RUSF1: variants seen among roughly 807,000 people sequenced by gnomAD.
The protein encoded by RUSF1 is RUS1 family protein C16orf58.
In RUSF1, 58 loss-of-function variants were observed where a neutral mutation model predicts 63.0. The ratio of observed to expected loss-of-function variants is 0.92; its 90% confidence interval spans 0.75 to 1.15. The LOEUF (loss-of-function observed/expected upper bound fraction) is 1.15. RUSF1 is among the 50% of genes most tolerant of loss of function. The pLI, the probability that RUSF1 is intolerant of heterozygous loss-of-function variation, is 0.00. For synonymous variants in RUSF1, 274 were observed against 255.8 expected (o/e 1.07, Z -0.68); for missense variants, 652 against 611.0 (o/e 1.07, Z -0.71).
intron 12 of RUSF1, among the ~76,000 whole-genome samples, chr16:31,491,327 CT>C (rs879259178): frequency 2.8e-3 from 404 of 144,614 alleles, no homozygotes; most frequent in Middle Eastern, 7.2e-3. Context: ...GAGAATCCAT[CT>C]TTTTTTTTTT....
chr16:31,493,904 G>A lies in RUSF1; in HGVS notation c.735C>T (p.Val245=). The A allele has an allele frequency of 6.2e-7, 1 of 1,614,202 alleles. No individual in the cohort carries two copies. The highest frequency in any genetic ancestry group is 8.5e-7 in the Non-Finnish European group (1 of 1,180,040). ...ETLVNLAGLL[V]SLLMLPLVSG... is the part of the protein sequence containing the mutation. The stretch of plus-strand genomic sequence containing the variant: ...ACACCAGAGGGAGCATCAGGAGGCT[G>A]ACCAAGAGCCCCGCCAGGTTCACCA... The change falls in exon 7 of 13, where the codon GTC becomes GTT. Residue 245 remains valine (V), a synonymous_variant. Transcript: ENST00000327237.
intron 2 of RUSF1, among the ~76,000 whole-genome samples, chr16:31,504,773 C>T (rs2082649893): frequency 1.3e-5 from 2 of 152,322 alleles, no homozygotes; most frequent in East Asian, 1.9e-4. Context: ...CCATTTTGAT[C>T]TGTACTAAGA....
At chr16:31,506,419 T>G (rs1445508051) in intron 2 of RUSF1, among the ~76,000 whole-genome samples, 1 of 152,218 alleles carries the variant, frequency 6.6e-6, no homozygotes, top group African/African-American at 2.4e-5. Context: ...TCAATCTGTA[T>G]AGGCAACATG....
chr16:31,493,747 T>C lies in RUSF1; in HGVS notation c.814A>G (p.Ile272Val), dbSNP rs149082017. 27 of 1,614,144 alleles carry C rather than the reference T, an allele frequency of 1.7e-5. No homozygotes were observed. The highest frequency in any genetic ancestry group is 1.6e-4 in the East Asian group (7 of 44,884). ...CGGACCGCGCGGTAGTTGGCGTAGATGTGGAGGGCAGTGAGGAAGAAGAAA... is the reference window on the plus strand; with the variant it reads ...CGGACCGCGCGGTAGTTGGCGTAGACGTGGAGGGCAGTGAGGAAGAAGAAA... ...GCFFFLTALHIYANYRAVRAL... is the reference protein window; with the variant it reads ...GCFFFLTALHVYANYRAVRAL... Residue 272 changes from isoleucine (I) to valine (V), a missense_variant, in exon 8 of 13, where the codon ATC becomes GTC. Ile to Val is a conservative substitution (Grantham distance 29, BLOSUM62 3). Coordinates refer to ENST00000327237, the MANE Select transcript of RUSF1 (RefSeq NM_022744.4).
At position 31,490,509 on chromosome 16, in the gene RUSF1, G is replaced by T; in HGVS notation, c.*326C>A. ...TGCCCTGCTCATGATGGCAGTGGCC[G>T]TGTTCCTCTGGGGCTTCTATGCCTA... On this transcript the variant is annotated 3_prime_UTR_variant, in exon 13 of 13. Coordinates refer to ENST00000327237, the MANE Select transcript of RUSF1 (RefSeq NM_022744.4). 1.2e-6 allele frequency: 2 copies of T among 1,613,168 alleles called. No homozygotes were observed. Among genetic ancestry groups the T allele is most frequent in the Non-Finnish European group, 8.5e-7 (1 of 1,179,662 alleles).
At chr16:31,501,762 C>T (rs1015421592) in intron 2 of RUSF1, among the ~76,000 whole-genome samples, 1 of 152,058 alleles carries the variant, frequency 6.6e-6, no homozygotes, top group Non-Finnish European at 1.5e-5. Context: ...TACTTCATGA[C>T]CACAGTGACC....
At chr16:31,507,976 ACCC>A in intron 1 of RUSF1, 95 bp downstream of exon 1, 1 of 1,535,056 alleles carries the variant, frequency 6.5e-7, no homozygotes, top group Non-Finnish European at 8.8e-7. Flanking sequence ...GGCATGTCAG[ACCC>A]CCCGCCCCCC....
intron 3 of RUSF1, 76 bp from the exon 4 acceptor site, chr16:31,499,601 A>C (rs2082622893): frequency 1.4e-6 from 2 of 1,407,758 alleles, no homozygotes; most frequent in Non-Finnish European, 9.6e-7. Flanking sequence ...GGAGTCTTGG[A>C]CCACAGTAAA....
In RUSF1 at chr16:31,490,526, C is replaced by T. The variant is rs764966449; in HGVS notation, c.*309G>A. On this transcript the variant is annotated 3_prime_UTR_variant, in exon 13 of 13. Transcript: ENST00000327237. The stretch of plus-strand genomic sequence containing the variant: ...CAGTGGCCGTGTTCCTCTGGGGCTT[C>T]TATGCCTAAGACCAACTGCGTTGGA... The T allele has an allele frequency of 2.5e-6, 4 of 1,611,358 alleles. No homozygotes were observed. In the African/African-American group the frequency reaches 5.3e-5, roughly 22 times the overall value.
chr16:31,490,282 T>C lies in RUSF1; in HGVS notation c.*553A>G, dbSNP rs1217855837. ...CTGGAGGAGCTGAGTTCCCGCAAAC[T>C]AACTGCAGGGCCTCAATTTCCCTCA... On this transcript the variant is annotated 3_prime_UTR_variant, in exon 13 of 13. Transcript: ENST00000327237. 3 of 1,613,522 alleles carry C rather than the reference T, an allele frequency of 1.9e-6. No homozygotes were observed. Among genetic ancestry groups the C allele is most frequent in the African/African-American group, 1.3e-5 (1 of 74,890 alleles).
chr16:31,496,235 A>G (rs1391720129), intron 6 of RUSF1, among the ~76,000 whole-genome samples: 1 of 152,024 alleles, frequency 6.6e-6, no homozygotes, highest in Non-Finnish European at 1.5e-5. Flanking sequence ...TTTCTTTTAT[A>G]TATTATGTAG....
chr16:31,498,858 T>C (rs965602032), intron 5 of RUSF1, among the ~76,000 whole-genome samples: 1 of 152,214 alleles, frequency 6.6e-6, no homozygotes, highest in African/African-American at 2.4e-5. Flanking sequence ...CCTCAGCCTC[T>C]TGCAGGCCCC....
chr16:31,491,980 C>A (rs898716127), intron 12 of RUSF1, 29 bp downstream of exon 12: 3 of 1,612,272 alleles, frequency 1.9e-6, no homozygotes, highest in Admixed American at 1.7e-5. Context: ...GCTTCAGGGG[C>A]CAAGCAGCCA....
rs769796440 is a variant in RUSF1, at chr16:31,508,260, GC to G, written c.113del (p.Gly38AlafsTer73). On this transcript the variant is annotated frameshift_variant, in exon 1 of 13. Coordinates refer to ENST00000327237, the MANE Select transcript of RUSF1 (RefSeq NM_022744.4). LOFTEE classifies it high-confidence loss of function. ...ADGSLQWEVG[G>X]WRWWGLSRAF... is the part of the protein sequence containing the mutation. ...CCCTGGAGAGCCCCCACCAGCGCCA[GC>G]CCCCGACCTCCCACTGCAGGCTCCC... The G allele has an allele frequency of 3.8e-6, 6 of 1,565,780 alleles. No individual in the cohort carries two copies. The highest frequency in any genetic ancestry group is 3.5e-6 in the Non-Finnish European group (4 of 1,155,636).
At position 31,496,865 on chromosome 16, in the gene RUSF1, G is replaced by C. The variant is rs376859825; in HGVS notation, c.686C>G (p.Ala229Gly). ...ARRNNMADVS[A>G]KDSSQETLVN... ...GGCACTCACCTGGCTGCTGTCCTTG[G>C]CTGACACGTCAGCCATGTTGTTCCT... The change falls in exon 6 of 13, where the codon GCC becomes GGC. Residue 229 changes from alanine to glycine, a missense_variant. Ala to Gly is a moderately conservative substitution (Grantham distance 60, BLOSUM62 0). Coordinates refer to ENST00000327237, the MANE Select transcript of RUSF1 (RefSeq NM_022744.4). The C allele has an allele frequency of 8.1e-6, 13 of 1,599,072 alleles. No individual in the cohort carries two copies. Among genetic ancestry groups the C allele is most frequent in the Non-Finnish European group, 1.1e-5 (13 of 1,173,514 alleles).
intron 2 of RUSF1, 48 bp from the exon 3 acceptor site, chr16:31,500,779 C>T (rs1331038370): frequency 6.3e-7 from 1 of 1,580,690 alleles, no homozygotes; most frequent in Non-Finnish European, 8.6e-7. Flanking sequence ...GGTGTGGGAG[C>T]TGTGGGGCCT....
Position 31,489,483 on chromosome 16 carries a change from C to G in RUSF1, c.*1352G>C. On this transcript the variant is annotated 3_prime_UTR_variant, in exon 13 of 13. Coordinates refer to ENST00000327237, the MANE Select transcript of RUSF1 (RefSeq NM_022744.4). ...TCCAGCTGCAGTTGCAATTGCCGAG[C>G]AAGAATTTTTATTTAAATACATTTA... The G allele has an allele frequency of 1.4e-6, 1 of 730,854 alleles. No individual in the cohort carries two copies. The highest frequency in any genetic ancestry group is 2.3e-6 in the Non-Finnish European group (1 of 427,462). 45.3% of individuals were successfully genotyped at this position (730,854 alleles called of 1,614,324 possible).
chr16:31,499,461 G>T (rs2082621541), intron 4 of RUSF1, 32 bp downstream of exon 4: 2 of 1,611,520 alleles, frequency 1.2e-6, no homozygotes, highest in African/African-American at 1.3e-5. Flanking sequence ...CATAATGGAA[G>T]ACTCCCCTCC....
rs563911047 is a variant in RUSF1 at position 31,489,799 on chromosome 16, C to G, written c.*1036G>C. On this transcript the variant is annotated 3_prime_UTR_variant, in exon 13 of 13. Transcript: ENST00000327237. Reference sequence around the variant, plus strand: ...AGGGTGGGAGCACACAGGCACAGAACACTGTGAGCAGGACTGCCAGGCCAG... The same window carrying G: ...AGGGTGGGAGCACACAGGCACAGAAGACTGTGAGCAGGACTGCCAGGCCAG... The G allele has an allele frequency of 4.3e-6, 2 of 462,256 alleles. No homozygotes were observed. Among genetic ancestry groups the G allele is most frequent in the Non-Finnish European group, 8.0e-6 (2 of 249,830 alleles). 28.6% of individuals were successfully genotyped at this position (462,256 alleles called of 1,614,324 possible).
Sources: gnomAD v4.1 joint callset for allele counts (sites outside exome capture counted in the v4.1 genomes callset) on GRCh38, gnomAD v4.1.1 for gene constraint, MANE v1.5 for transcripts, NCBI Gene and HGNC (gene_info 2026-07-23, HGNC 2026-07-21) for gene names.